Variants in LIFR observed in about 807,000 individuals in gnomAD.
LIFR encodes leukemia inhibitory factor receptor.
Under a neutral mutation model 122.2 loss-of-function variants are expected in LIFR, and 84 were observed. The ratio of observed to expected loss-of-function variants is 0.69; its 90% confidence interval spans 0.58 to 0.82. LIFR has a LOEUF of 0.82. Among genes scored for constraint, LIFR ranks in the 40% least tolerant of loss-of-function variants. The probability of loss-of-function intolerance (pLI) is 0.00; values close to 1 mark genes in which losing one functional copy is unlikely to be tolerated. For missense variants in LIFR, 1,294 were observed against 1,311.6 expected, an observed-to-expected ratio of 0.99 and a Z score of 0.21; for synonymous variants, 422 against 434.7, an observed-to-expected ratio of 0.97 and a Z score of 0.36.
intron 9 of LIFR, among the ~76,000 whole-genome samples, chr5:38,505,417 C>T (rs919342845): frequency 2.0e-5 from 3 of 151,286 alleles, no homozygotes; most frequent in Non-Finnish European, 4.4e-5. Flanking sequence ...CACACACACA[C>T]ACACACACAC....
rs78363571 is a variant in LIFR at position 38,542,490 on chromosome 5, A to G, written c.-19-11824T>C. On this transcript the variant is annotated intron_variant, in intron 1 of 19. Transcript: ENST00000453190. ...GGGGCCTCTTTCCCTCAGCCTGCAC[A>G]AAGGCAATGCTTCTAACCGGTCTCA... Among the ~76,000 whole-genome samples the G allele has an allele frequency of 0.012, 1,778 of 152,168 alleles. 184 individuals are homozygous for G. The East Asian group carries it at 0.25, about 22-fold the overall frequency.
chr5:38,481,272 G>A lies in LIFR; in HGVS notation c.*323C>T, dbSNP rs929232267. 2.0e-5 allele frequency: 8 copies of A among 398,100 alleles called. No homozygotes were observed. Among genetic ancestry groups the A allele is most frequent in the African/African-American group, 6.0e-5 (3 of 50,248 alleles). The allele number at this position is 398,100 out of a possible 1,614,324, so 24.7% of individuals were successfully genotyped here. A position where few individuals can be genotyped will look rare whatever the true frequency, so the allele number is the denominator to read the frequency against. On this transcript the variant is annotated 3_prime_UTR_variant, in exon 20 of 20. Coordinates refer to ENST00000453190, the MANE Select transcript of LIFR (RefSeq NM_001127671.2). ...AAACAACAGAACAGAAAACAGTTGCGGCGGGATTTGTTTTACATGTACGTA... is the reference window on the plus strand; with the variant it reads ...AAACAACAGAACAGAAAACAGTTGCAGCGGGATTTGTTTTACATGTACGTA...
At chr5:38,549,884 A>T (rs1312426671) in intron 1 of LIFR, among the ~76,000 whole-genome samples, 1 of 152,134 alleles carries the variant, frequency 6.6e-6, no homozygotes, top group Non-Finnish European at 1.5e-5. Flanking sequence ...TAGAATCTGG[A>T]AGTGAGTTTT....
At chr5:38,584,031 T>A (rs925251823) in intron 1 of LIFR, among the ~76,000 whole-genome samples, 3 of 152,094 alleles carry the variant, frequency 2.0e-5, no homozygotes, top group South Asian at 4.1e-4. Flanking sequence ...CTTTTTTTTT[T>A]AATTAATTAC....
rs1421513516 is a variant in LIFR, at chr5:38,478,696, C to T, written c.*2899G>A. 1 of 206,582 alleles carries T rather than the reference C, an allele frequency of 4.8e-6. No individual in the cohort carries two copies. Among genetic ancestry groups the T allele is most frequent in the Non-Finnish European group, 9.9e-6 (1 of 100,912 alleles). The allele number at this position is 206,582 out of a possible 1,614,324, so 12.8% of individuals were successfully genotyped here. ...TGATCTCCATTCCTCGCAAGGGAAG[C>T]TTGATTTGAAACTGGCTTGTAAGTG... On this transcript the variant is annotated 3_prime_UTR_variant, in exon 20 of 20. Transcript: ENST00000453190.
intron 1 of LIFR, among the ~76,000 whole-genome samples, chr5:38,538,221 C>T (rs1380853494): frequency 6.6e-6 from 1 of 152,190 alleles, no homozygotes; most frequent in African/African-American, 2.4e-5. Context: ...TCCTACTTAG[C>T]TTCCTTGGTG....
rs1743692281 is a variant in LIFR, at chr5:38,475,676, G to A, written c.*5919C>T. 5.3e-6 allele frequency: 1 copy of A among 187,494 alleles called. No individual in the cohort carries two copies. Among genetic ancestry groups the A allele is most frequent in the African/African-American group, 2.3e-5 (1 of 42,770 alleles). The allele number at this position is 187,494 out of a possible 1,614,324, so 11.6% of individuals were successfully genotyped here. ...AAACTTATATCTGTTCACAGTATGT[G>A]TATTTTGTAAACAGTAATTCACTAT... On this transcript the variant is annotated 3_prime_UTR_variant, in exon 20 of 20. Coordinates refer to ENST00000453190, the MANE Select transcript of LIFR (RefSeq NM_001127671.2).
At chr5:38,599,423 A>T (rs1379445438), upstream of LIFR, among the ~76,000 whole-genome samples, 1 of 152,160 alleles carries the variant, frequency 6.6e-6, no homozygotes, top group African/African-American at 2.4e-5. Context: ...CTCAGGGTGC[A>T]GTTTGAAGCA....
upstream of LIFR, among the ~76,000 whole-genome samples, chr5:38,560,628 G>A (rs1431683040): frequency 6.7e-6 from 1 of 148,764 alleles, no homozygotes; most frequent in African/African-American, 2.5e-5. Flanking sequence ...GCAGAGTCTT[G>A]CTCTGTCGTC....
intron 1 of LIFR, among the ~76,000 whole-genome samples, chr5:38,591,196 G>T (rs1332324382): frequency 6.6e-6 from 1 of 152,240 alleles, no homozygotes; most frequent in Non-Finnish European, 1.5e-5. Context: ...CTAGGCACTT[G>T]CCTAAGGGCA....
Position 38,591,880 on chromosome 5 carries a change from A to G in LIFR, c.-20+3381T>C, listed in dbSNP as rs536548655. Among the ~76,000 whole-genome samples, 3 of 152,264 alleles carry G rather than the reference A, an allele frequency of 2.0e-5. No homozygotes were observed. The East Asian group carries it at 5.8e-4, about 29-fold the overall frequency. On this transcript the variant is annotated intron_variant, in intron 1 of 19. Transcript: ENST00000263409. ...CCTAAAGAGCATTTTGATCTAGAAGACACCTTAAATTGGAGGGTCTAGTGA... is the reference window on the plus strand; with the variant it reads ...CCTAAAGAGCATTTTGATCTAGAAGGCACCTTAAATTGGAGGGTCTAGTGA...
chr5:38,588,284 C>G (rs1279914413), intron 1 of LIFR, among the ~76,000 whole-genome samples: 1 of 152,146 alleles, frequency 6.6e-6, no homozygotes, highest in Non-Finnish European at 1.5e-5. Flanking sequence ...AAACCAAACT[C>G]TCAGGGCTAC....
intron 5 of LIFR, among the ~76,000 whole-genome samples, chr5:38,512,555 T>C (rs1745856586): frequency 6.6e-6 from 1 of 152,116 alleles, no homozygotes; most frequent in South Asian, 2.1e-4. Context: ...TGGGAGGGTC[T>C]ATTGAGCCTG....
At position 38,553,646 on chromosome 5, in the gene LIFR, A is replaced by ATATAT. The variant is rs1554027607; in HGVS notation, c.-20+2683_-20+2687dup. Among the ~76,000 whole-genome samples the ATATAT allele has an allele frequency of 5.0e-4, 48 of 96,478 alleles. 1 individual carries two copies. Among genetic ancestry groups the ATATAT allele is most frequent in the East Asian group, 1.1e-3 (2 of 1,894 alleles). 63.3% of individuals were successfully genotyped at this position (96,478 alleles called of 152,430 possible). On this transcript the variant is annotated intron_variant, in intron 1 of 19. Coordinates refer to ENST00000453190, the MANE Select transcript of LIFR (RefSeq NM_001127671.2). ...ACTATATATATATATATATATATAT[A>ATATAT]TATATATATATATATATATATATAT...
chr5:38,582,416 A>G (rs147679810), intron 1 of LIFR, among the ~76,000 whole-genome samples: 188 of 152,270 alleles, frequency 1.2e-3, no homozygotes, highest in Non-Finnish European at 2.3e-3. Context: ...TTTTTTCTCC[A>G]TGTTCACTAA....
Position 38,490,276 on chromosome 5 carries a change from C to T in LIFR, c.2081G>A (p.Gly694Asp). Residue 694 changes from glycine (G) to aspartate (D), a missense_variant, in exon 15 of 20, where the codon GGT (glycine) becomes GAT (aspartate). By Grantham distance (94) the Gly-to-Asp change is moderately conservative (BLOSUM62 -1). Coordinates refer to ENST00000453190, the MANE Select transcript of LIFR (RefSeq NM_001127671.2). ...TVIESDEFRP[G>D]IRYNFFLYGC... Reference sequence around the variant, plus strand: ...ATACAGGAAAAAATTATATCTTATACCTGGTCGAAACTCATCTATAGGATG... The same window carrying T: ...ATACAGGAAAAAATTATATCTTATATCTGGTCGAAACTCATCTATAGGATG... The T allele has an allele frequency of 1.3e-6, 2 of 1,537,442 alleles. No homozygotes were observed. The highest frequency in any genetic ancestry group is 1.8e-6 in the Non-Finnish European group (2 of 1,113,386).
intron 7 of LIFR, among the ~76,000 whole-genome samples, chr5:38,507,230 A>T (rs922223432): frequency 2.0e-5 from 3 of 152,032 alleles, no homozygotes; most frequent in African/African-American, 7.3e-5. Flanking sequence ...TAGAAAAATT[A>T]AAAGAAATTT....
intron 1 of LIFR, among the ~76,000 whole-genome samples, chr5:38,573,976 A>G (rs1749299579): frequency 6.6e-6 from 1 of 152,028 alleles, no homozygotes; most frequent in Admixed American, 6.6e-5. Flanking sequence ...TTAGTCGAGC[A>G]TGGTGGCATA....
intron 5 of LIFR, among the ~76,000 whole-genome samples, chr5:38,519,644 A>T (rs997180940): frequency 1.3e-5 from 2 of 152,132 alleles, no homozygotes; most frequent in African/African-American, 4.8e-5. Context: ...TCTAGTATCT[A>T]TCATTCTGTT....
Sources: allele counts gnomAD v4.1 joint callset (sites outside exome capture counted in the v4.1 genomes callset), GRCh38; gene constraint gnomAD v4.1.1; transcripts MANE v1.5; gene names NCBI Gene and HGNC (gene_info 2026-07-23, HGNC 2026-07-21).